Variants in HIP1 observed in about 807,000 individuals in gnomAD.
HIP1 encodes the protein huntingtin-interacting protein 1.
Under a neutral mutation model 147.6 loss-of-function variants are expected in HIP1, and 65 were observed. That is an observed-to-expected ratio of 0.44 (90% CI 0.36 to 0.54). The LOEUF (loss-of-function observed/expected upper bound fraction) is 0.54, where lower values mean the gene tolerates loss of function less well. Among genes scored for constraint, HIP1 ranks in the 20% least tolerant of loss-of-function variants. The pLI, the probability that HIP1 is intolerant of heterozygous loss-of-function variation, is 0.00. For missense variants in HIP1, 1,061 were observed against 1,299.6 expected (o/e 0.82, Z 2.82); for synonymous variants, 479 against 504.0 (o/e 0.95, Z 0.67).
At chr7:75,670,786 CTTT>C (rs782710876) in intron 1 of HIP1, among the ~76,000 whole-genome samples, 1 of 122,842 alleles carries the variant, frequency 8.1e-6, no homozygotes, top group Non-Finnish European at 1.6e-5. Context: ...CTAATTAAAA[CTTT>C]TTTTTTTTTT....
At position 75,663,932 on chromosome 7, in the gene HIP1, GTGTA is replaced by G. The variant is rs1379530809; in HGVS notation, c.121-64689_121-64686del. 4.1e-4 allele frequency among the ~76,000 whole-genome samples: 27 copies of G among 65,900 alleles called. 2 individuals carry two copies. The highest frequency in any genetic ancestry group is 2.0e-3 in the African/African-American group (25 of 12,196). 43.2% of individuals were successfully genotyped at this position (65,900 alleles called of 152,430 possible). A position where few individuals can be genotyped will look rare whatever the true frequency, so the allele number is the denominator to read the frequency against. On this transcript the variant is annotated intron_variant, in intron 1 of 30. Transcript: ENST00000336926. Reference sequence around the variant, plus strand: ...CTACCTTCCATTATTTTATGTATGTGTGTATATATATATATACACATATATGTGT... The same window carrying G: ...CTACCTTCCATTATTTTATGTATGTGTATATATATATACACATATATGTGT...
intron 1 of HIP1, among the ~76,000 whole-genome samples, chr7:75,638,725 C>T (rs940437643): frequency 1.3e-5 from 2 of 152,166 alleles, no homozygotes; most frequent in Non-Finnish European, 2.9e-5. Flanking sequence ...CAAGCCCCTT[C>T]CGGCGGCGCT....
At chr7:75,558,329 C>T in intron 14 of HIP1, 74 bp from the exon 15 acceptor site, 1 of 1,119,554 alleles carries the variant, frequency 8.9e-7, no homozygotes, top group Non-Finnish European at 1.4e-6. Flanking sequence ...GAGCCAGGGT[C>T]CCTAGAAGGT....
At chr7:75,637,126 G>A (rs1033197647) in intron 1 of HIP1, among the ~76,000 whole-genome samples, 1 of 152,132 alleles carries the variant, frequency 6.6e-6, no homozygotes, top group African/African-American at 2.4e-5. Context: ...CTGTTGAGTC[G>A]GCCTGTATCT....
chr7:75,728,389 G>T (rs534989751), intron 1 of HIP1, among the ~76,000 whole-genome samples: 24 of 152,184 alleles, frequency 1.6e-4, no homozygotes, highest in Non-Finnish European at 2.4e-4. Flanking sequence ...CCACCCTGCC[G>T]GGAGGTGGGG....
chr7:75,557,352 A>C (rs1199697567), intron 16 of HIP1, among the ~76,000 whole-genome samples: 4 of 141,974 alleles, frequency 2.8e-5, no homozygotes, highest in African/African-American at 6.1e-5. Context: ...ACAAACAAAC[A>C]AAAAAAAACG....
At chr7:75,698,852 C>T (rs1448237762) in intron 1 of HIP1, among the ~76,000 whole-genome samples, 3 of 151,526 alleles carry the variant, frequency 2.0e-5, no homozygotes, top group Admixed American at 2.0e-4. Flanking sequence ...ATGCAAGGAG[C>T]GAGGAAGATA....
chr7:75,663,620 T>G (rs2117219108), intron 1 of HIP1, among the ~76,000 whole-genome samples: 1 of 151,702 alleles, frequency 6.6e-6, no homozygotes. Flanking sequence ...GGGTGGAGAC[T>G]GGGATCAGTG....
At position 75,534,229 on chromosome 7, in the gene HIP1, C is replaced by T. The variant is rs1013395641; in HGVS notation, c.*3943G>A. Reference sequence around the variant, plus strand: ...TAAACCTTGGTGTCTGACTTGGTAGCTGGGACAGTTCCAAGAAAAGTTGCT... The same window carrying T: ...TAAACCTTGGTGTCTGACTTGGTAGTTGGGACAGTTCCAAGAAAAGTTGCT... On this transcript the variant is annotated 3_prime_UTR_variant, in exon 31 of 31. Coordinates refer to ENST00000336926, the MANE Select transcript of HIP1 (RefSeq NM_005338.7). 2 of 225,940 alleles carry T rather than the reference C, an allele frequency of 8.9e-6. No individual in the cohort carries two copies. The highest frequency in any genetic ancestry group is 2.2e-5 in the African/African-American group (1 of 44,892). The allele number at this position is 225,940 out of a possible 1,614,324, so 14.0% of individuals were successfully genotyped here.
intron 1 of HIP1, among the ~76,000 whole-genome samples, chr7:75,682,540 T>C (rs912821471): frequency 1.3e-5 from 2 of 151,138 alleles, no homozygotes; most frequent in African/African-American, 4.9e-5. Context: ...GATGACGGGA[T>C]TGAGCCACGG....
At chr7:75,711,064 A>G (rs540132230) in intron 1 of HIP1, among the ~76,000 whole-genome samples, 2 of 152,256 alleles carry the variant, frequency 1.3e-5, no homozygotes, top group South Asian at 4.2e-4. Context: ...TATCTGTGGC[A>G]ATATTGTGCT....
At chr7:75,732,652 A>G (rs1471217478) in intron 1 of HIP1, among the ~76,000 whole-genome samples, 1 of 152,162 alleles carries the variant, frequency 6.6e-6, no homozygotes, top group Non-Finnish European at 1.5e-5. Context: ...AAATGCTGGG[A>G]TGATAAACAT....
intron 1 of HIP1, among the ~76,000 whole-genome samples, chr7:75,682,937 G>A (rs1246347102): frequency 1.3e-5 from 2 of 152,088 alleles, no homozygotes. Flanking sequence ...CTTTGGGAGG[G>A]AGGCCAGAGG....
At chr7:75,657,449 G>A (rs1303620872) in intron 1 of HIP1, among the ~76,000 whole-genome samples, 2 of 149,678 alleles carry the variant, frequency 1.3e-5, no homozygotes, top group African/African-American at 4.9e-5. Context: ...AGAATCGCTT[G>A]AACCCGGGAG....
In HIP1 at chr7:75,595,231, T is replaced by TTCCTTC. The variant is rs1330202196; in HGVS notation, c.185-2718_185-2717insGAAGGA. Among the ~76,000 whole-genome samples, 19 of 106,166 alleles carry TTCCTTC rather than the reference T, an allele frequency of 1.8e-4. No individual in the cohort carries two copies. The South Asian group carries it at 2.7e-3, about 15-fold the overall frequency. The allele number at this position is 106,166 out of a possible 152,430, so 69.6% of individuals were successfully genotyped here. A position where few individuals can be genotyped will look rare whatever the true frequency, so the allele number is the denominator to read the frequency against. ...TTCTTTCTTTCTTTCTTTCTTTCTT[T>TTCCTTC]CTTTCTTTCTTTCTTTCTTTCTTCC... On this transcript the variant is annotated intron_variant, in intron 2 of 30. Coordinates refer to ENST00000336926, the MANE Select transcript of HIP1 (RefSeq NM_005338.7).
chr7:75,567,161 G>GT (rs1224467043), intron 9 of HIP1, among the ~76,000 whole-genome samples: 14 of 147,286 alleles, frequency 9.5e-5, no homozygotes, highest in South Asian at 2.1e-4. Context: ...AGAGAGAAAG[G>GT]TTTTTTTTTG....
chr7:75,708,530 T>C (rs1801070264), intron 1 of HIP1, among the ~76,000 whole-genome samples: 1 of 152,168 alleles, frequency 6.6e-6, no homozygotes, highest in Non-Finnish European at 1.5e-5. Context: ...TGTTTGTATA[T>C]GGTGTAAGAT....
chr7:75,650,610 G>A (rs781829409), intron 1 of HIP1, among the ~76,000 whole-genome samples: 11 of 151,996 alleles, frequency 7.2e-5, no homozygotes, highest in African/African-American at 1.9e-4. Flanking sequence ...ACACCACCAC[G>A]CCCATCTAAT....
At chr7:75,554,342 T>C (rs1794910015) in intron 20 of HIP1, 98 bp downstream of exon 20, 1 of 1,297,390 alleles carries the variant, frequency 7.7e-7, no homozygotes, top group African/African-American at 1.5e-5. Flanking sequence ...CATGCCTTTC[T>C]TGATGCAGAG....
Sources: allele counts gnomAD v4.1 joint callset (sites outside exome capture counted in the v4.1 genomes callset), GRCh38; gene constraint gnomAD v4.1.1; transcripts MANE v1.5; gene names NCBI Gene and HGNC (gene_info 2026-07-23, HGNC 2026-07-21).